FGF14: variants seen among roughly 807,000 people sequenced by gnomAD.
FGF14 encodes the protein fibroblast growth factor homologous factor 4.
Under a neutral mutation model 25.5 loss-of-function variants are expected in FGF14, and 5 were observed. That is an observed-to-expected ratio of 0.20 (90% CI 0.10 to 0.41). The LOEUF (loss-of-function observed/expected upper bound fraction) is 0.41, where lower values mean the gene tolerates loss of function less well. Ranked by LOEUF, FGF14 falls within the 10% of genes least tolerant of loss-of-function variation. The pLI is 1.00. For synonymous variants in FGF14, 138 were observed against 118.3 expected (o/e 1.17, Z -1.08); for missense variants, 222 against 320.1 (o/e 0.69, Z 2.34).
intron 1 of FGF14, among the ~76,000 whole-genome samples, chr13:102,072,643 C>T (rs2043200466): frequency 6.6e-6 from 1 of 152,130 alleles, no homozygotes; most frequent in African/African-American, 2.4e-5. Flanking sequence ...TTAATCTTCC[C>T]ACAGCCAAGT....
At chr13:101,837,752 G>T (rs978659291) in intron 3 of FGF14, among the ~76,000 whole-genome samples, 2 of 152,012 alleles carry the variant, frequency 1.3e-5, no homozygotes, top group Non-Finnish European at 2.9e-5. Flanking sequence ...TATTCTGATT[G>T]TCCTTGCGAT....
chr13:102,104,611 A>G (rs1237082361), intron 1 of FGF14, among the ~76,000 whole-genome samples: 2 of 152,030 alleles, frequency 1.3e-5, no homozygotes, highest in Non-Finnish European at 2.9e-5. Flanking sequence ...CCTCATCTCT[A>G]CAAAAAATAC....
At chr13:102,226,458 T>G (rs2050830105) in intron 1 of FGF14, among the ~76,000 whole-genome samples, 1 of 152,210 alleles carries the variant, frequency 6.6e-6, no homozygotes, top group African/African-American at 2.4e-5. Context: ...TATTTCAATA[T>G]TCTTATTTTC....
At chr13:101,753,254 A>G (rs2037407703) in intron 3 of FGF14, among the ~76,000 whole-genome samples, 1 of 151,032 alleles carries the variant, frequency 6.6e-6, no homozygotes, top group African/African-American at 2.4e-5. Context: ...CATTCCATAT[A>G]TTATATATGA....
chr13:101,844,658 A>G (rs923906303), intron 3 of FGF14, among the ~76,000 whole-genome samples: 1 of 151,998 alleles, frequency 6.6e-6, no homozygotes, highest in African/African-American at 2.4e-5. Context: ...TATTTCCCAA[A>G]TATTCAGTGA....
At chr13:102,325,064 C>CTTGCAAT (rs1324784857) in intron 1 of FGF14, among the ~76,000 whole-genome samples, 1 of 151,880 alleles carries the variant, frequency 6.6e-6, no homozygotes. Context: ...GGAAAAGATC[C>CTTGCAAT]TTGCAATCAT....
At chr13:102,124,660 C>T (rs1457306) in intron 1 of FGF14, among the ~76,000 whole-genome samples, 15,596 of 152,062 alleles carry the variant, frequency 0.1, 919 homozygotes, top group African/African-American at 0.15. Context: ...ATTTTTATCT[C>T]CTCATCCAGG....
chr13:102,065,443 A>G lies in FGF14; in HGVS notation c.209-190147T>C, dbSNP rs1411490826. Among the ~76,000 whole-genome samples, 3 of 152,108 alleles carry G rather than the reference A, an allele frequency of 2.0e-5. No homozygotes were observed. The East Asian group carries it at 5.8e-4, about 29-fold the overall frequency. ...GACACAGTTTAAAACACTCCAAGAT[A>G]TTTCTGGTACATTGGTATCCCTAGA... On this transcript the variant is annotated intron_variant, in intron 1 of 4. Coordinates refer to the FGF14 transcript ENST00000376131.
At chr13:102,355,528 T>A (rs1251743848) in intron 1 of FGF14, among the ~76,000 whole-genome samples, 2 of 150,494 alleles carry the variant, frequency 1.3e-5, no homozygotes, top group Admixed American at 6.7e-5. Flanking sequence ...ACAGTAGGAA[T>A]GTTTGCCTTA....
In FGF14 at chr13:101,775,093, A is replaced by G. The variant is rs567131577; in HGVS notation, c.409-48283T>C. 4.6e-5 allele frequency among the ~76,000 whole-genome samples: 7 copies of G among 152,280 alleles called. No homozygotes were observed. In the South Asian group the frequency reaches 1.5e-3, roughly 32 times the overall value. On this transcript the variant is annotated intron_variant, in intron 3 of 4. Coordinates refer to ENST00000376143, the MANE Select transcript of FGF14 (RefSeq NM_004115.4). ...GACTATGTGTTCCAACTTCCTAAAA[A>G]TCACCATATAAAATTCTATGTAGGA...
intron 1 of FGF14, among the ~76,000 whole-genome samples, chr13:102,014,772 CTTAT>C (rs1321645536): frequency 1.3e-5 from 2 of 151,946 alleles, no homozygotes; most frequent in Non-Finnish European, 1.5e-5. Flanking sequence ...ATATGACAAA[CTTAT>C]TTTTTTATAT....
chr13:102,052,053 T>C (rs2042235814), intron 1 of FGF14, among the ~76,000 whole-genome samples: 1 of 152,114 alleles, frequency 6.6e-6, no homozygotes, highest in Admixed American at 6.5e-5. Context: ...GTTTAACAGA[T>C]TAAAATTATT....
At chr13:101,976,987 A>G (rs1291708092) in intron 1 of FGF14, among the ~76,000 whole-genome samples, 1 of 152,180 alleles carries the variant, frequency 6.6e-6, no homozygotes, top group Non-Finnish European at 1.5e-5. Flanking sequence ...CATTCCATAT[A>G]TATTATTGTA....
intron 1 of FGF14, among the ~76,000 whole-genome samples, chr13:102,212,343 CAGTAA>C (rs1298861372): frequency 6.6e-6 from 1 of 152,156 alleles, no homozygotes. Flanking sequence ...TCATCGAACA[CAGTAA>C]AGTCTAACAT....
chr13:101,906,513 G>C (rs920641542), intron 1 of FGF14, among the ~76,000 whole-genome samples: 2 of 152,066 alleles, frequency 1.3e-5, no homozygotes, highest in Non-Finnish European at 2.9e-5. Flanking sequence ...TATTTTAAAG[G>C]CTTTTTCAAA....
At chr13:102,259,164 C>T (rs930596134) in intron 1 of FGF14, among the ~76,000 whole-genome samples, 1 of 152,148 alleles carries the variant, frequency 6.6e-6, no homozygotes, top group Non-Finnish European at 1.5e-5. Context: ...TGCCACTCTC[C>T]AGATGAGATA....
chr13:102,087,712 C>A (rs1013443331), intron 1 of FGF14, among the ~76,000 whole-genome samples: 1 of 151,752 alleles, frequency 6.6e-6, no homozygotes, highest in African/African-American at 2.4e-5. Flanking sequence ...GCGTGAGCCA[C>A]CGCGCCCAGC....
At chr13:101,817,696 C>A (rs536313701) in intron 3 of FGF14, among the ~76,000 whole-genome samples, 10 of 152,310 alleles carry the variant, frequency 6.6e-5, no homozygotes, top group African/African-American at 2.4e-4. Flanking sequence ...TGAAGGCGCT[C>A]TGCTAAGTGA....
chr13:102,167,873 A>G (rs1007153612), intron 1 of FGF14, among the ~76,000 whole-genome samples: 2 of 151,880 alleles, frequency 1.3e-5, no homozygotes, highest in Admixed American at 6.6e-5. Flanking sequence ...AGAGAAAAAT[A>G]TAATGTAACC....
Sources: gnomAD v4.1 joint callset for allele counts (sites outside exome capture counted in the v4.1 genomes callset) on GRCh38, gnomAD v4.1.1 for gene constraint, MANE v1.5 for transcripts, NCBI Gene and HGNC (gene_info 2026-07-23, HGNC 2026-07-21) for gene names.